Variants in COL11A1 observed in about 807,000 individuals in gnomAD.
COL11A1 encodes collagen alpha-1(XI) chain.
COL11A1 carries 74 observed loss-of-function variants against 265.2 expected under a neutral mutation model. That is an observed-to-expected ratio of 0.28 (90% CI 0.23 to 0.34). The LOEUF (loss-of-function observed/expected upper bound fraction) is 0.34. Ranked by LOEUF, COL11A1 falls within the 10% of genes least tolerant of loss-of-function variation. COL11A1 has a pLI of 1.00. For synonymous variants in COL11A1, 816 were observed against 727.6 expected, an observed-to-expected ratio of 1.12 and a Z score of -1.96; for missense variants, 2,165 against 2,263.6, an observed-to-expected ratio of 0.96 and a Z score of 0.88.
chr1:102,985,633 AT>A (rs1368026151), intron 30 of COL11A1, among the ~76,000 whole-genome samples: 1 of 152,140 alleles, frequency 6.6e-6, no homozygotes, highest in Non-Finnish European at 1.5e-5. Flanking sequence ...GAAAGTTTGT[AT>A]TTTCAACAGG....
intron 14 of COL11A1, among the ~76,000 whole-genome samples, chr1:103,011,878 G>T (rs1484376368): frequency 6.6e-6 from 1 of 151,880 alleles, no homozygotes; most frequent in East Asian, 1.9e-4. Context: ...TTGCTATCAC[G>T]CTAGTGAGAA....
At chr1:103,013,608 TAGACTTAGGAA>T (rs1332941499) in intron 13 of COL11A1, among the ~76,000 whole-genome samples, 3 of 151,984 alleles carry the variant, frequency 2.0e-5, no homozygotes, top group African/African-American at 7.2e-5. Flanking sequence ...TTCAGATTAA[TAGACTTAGGAA>T]AGACATAAAC....
chr1:102,952,132 C>T (rs1419711385), intron 41 of COL11A1, among the ~76,000 whole-genome samples: 3 of 113,896 alleles, frequency 2.6e-5, no homozygotes, highest in African/African-American at 5.7e-5. Context: ...TGGAGTCTTG[C>T]TCTGTCACCA....
intron 9 of COL11A1, 120 bp downstream of exon 9, chr1:103,021,587 G>A: frequency 1.4e-6 from 1 of 724,646 alleles, no homozygotes; most frequent in Non-Finnish European, 2.5e-6. Context: ...GTGGTGAATT[G>A]CAAACATCTG....
chr1:103,081,287 T>C (rs1672392093), intron 2 of COL11A1, among the ~76,000 whole-genome samples: 1 of 151,872 alleles, frequency 6.6e-6, no homozygotes, highest in Non-Finnish European at 1.5e-5. Flanking sequence ...ATCTGAGTAG[T>C]TCTAAAGGTT....
At position 103,086,890 on chromosome 1, in the gene COL11A1, C is replaced by A. The variant is rs7534775; in HGVS notation, c.107-3918G>T. Among the ~76,000 whole-genome samples the A allele has an allele frequency of 9.8e-3, 1,489 of 151,842 alleles. 18 individuals carry two copies. The highest frequency in any genetic ancestry group is 0.034 in the African/African-American group (1,409 of 41,380). ...TTAAGTCCTTAAGTTTATTTTATTT[C>A]AAGTGAACTAAATAATGAATTAAGC... On this transcript the variant is annotated intron_variant, in intron 1 of 66. Coordinates refer to ENST00000370096, the MANE Select transcript of COL11A1 (RefSeq NM_001854.4).
intron 9 of COL11A1, among the ~76,000 whole-genome samples, chr1:103,019,516 G>C (rs115076397): frequency 0.012 from 1,842 of 152,134 alleles, 44 homozygotes; most frequent in African/African-American, 0.042. Context: ...AACACTTTTT[G>C]TGAGCATGTT....
chr1:103,005,590 A>G (rs2101849508), intron 18 of COL11A1, among the ~76,000 whole-genome samples: 1 of 152,326 alleles, frequency 6.6e-6, no homozygotes, highest in South Asian at 2.1e-4. Context: ...AGGTAAATGT[A>G]TATAAAGATT....
rs1655121246 is a variant in COL11A1 at position 102,914,824 on chromosome 1, A to T, written c.3817-13T>A. The T allele has an allele frequency of 1.0e-6, 1 of 967,234 alleles. No individual in the cohort carries two copies. Among genetic ancestry groups the T allele is most frequent in the South Asian group, 1.7e-5 (1 of 58,482 alleles). 59.9% of individuals were successfully genotyped at this position (967,234 alleles called of 1,614,324 possible). On this transcript the variant is annotated splice_polypyrimidine_tract_variant and intron_variant, in intron 50 of 66. Coordinates refer to ENST00000370096, the MANE Select transcript of COL11A1 (RefSeq NM_001854.4). ...CTCCTTTGGGACCCTAAACAATGTT[A>T]AAAAAAAAAAAAGAAGAAGAAGGAA...
intron 4 of COL11A1, among the ~76,000 whole-genome samples, chr1:103,071,680 G>T (rs983693304): frequency 6.6e-6 from 1 of 151,260 alleles, no homozygotes; most frequent in African/African-American, 2.4e-5. Flanking sequence ...AGGACTTTTA[G>T]CAGACAGACA....
At chr1:102,948,862 G>GA (rs1659585692) in intron 41 of COL11A1, among the ~76,000 whole-genome samples, 1 of 151,836 alleles carries the variant, frequency 6.6e-6, no homozygotes, top group Admixed American at 6.6e-5. Context: ...CAATGCAGTA[G>GA]AAAAAATAAT....
intron 4 of COL11A1, among the ~76,000 whole-genome samples, chr1:103,047,031 A>G (rs1416637670): frequency 6.6e-6 from 1 of 152,130 alleles, no homozygotes; most frequent in Non-Finnish European, 1.5e-5. Context: ...GTTTGAAGTC[A>G]GGTAGTGGGA....
At chr1:102,940,051 TTAAAAA>T (rs1375511221) in intron 43 of COL11A1, among the ~76,000 whole-genome samples, 1 of 152,200 alleles carries the variant, frequency 6.6e-6, no homozygotes, top group Non-Finnish European at 1.5e-5. Flanking sequence ...AAGGATATTC[TTAAAAA>T]TAAATAAATT....
At chr1:102,927,114 C>G (rs1656683776) in intron 46 of COL11A1, among the ~76,000 whole-genome samples, 1 of 151,982 alleles carries the variant, frequency 6.6e-6, no homozygotes, top group Non-Finnish European at 1.5e-5. Flanking sequence ...AATATCAACA[C>G]AGTAATTTTA....
chr1:102,884,734 C>G (rs1650744712), intron 63 of COL11A1: 1 of 152,278 alleles, frequency 6.6e-6, no homozygotes, highest in South Asian at 2.1e-4. Context: ...AGATGCAAAC[C>G]TCAGAAGCAT....
At position 102,877,297 on chromosome 1, in the gene COL11A1, C is replaced by A. The variant is rs1239139167; in HGVS notation, c.*722G>T. On this transcript the variant is annotated 3_prime_UTR_variant, in exon 67 of 67. Transcript: ENST00000370096. Reference sequence around the variant, plus strand: ...TAGCCTTGAATAAAGCATCAAAATGCATAATATTTTTGGCTGAAATTCAGC... The same window carrying A: ...TAGCCTTGAATAAAGCATCAAAATGAATAATATTTTTGGCTGAAATTCAGC... 1.3e-5 allele frequency: 2 copies of A among 152,454 alleles called. No homozygotes were observed. Among genetic ancestry groups the A allele is most frequent in the African/African-American group, 4.8e-5 (2 of 41,400 alleles). 9.4% of individuals were successfully genotyped at this position (152,454 alleles called of 1,614,324 possible).
intron 48 of COL11A1, 101 bp from the exon 49 acceptor site, chr1:102,920,465 T>G: frequency 2.1e-6 from 2 of 961,882 alleles, no homozygotes; most frequent in Non-Finnish European, 3.4e-6. Context: ...AATAGATGCA[T>G]GAGTATTCTT....
At chr1:102,934,311 A>T in intron 46 of COL11A1, 138 bp downstream of exon 46, 1 of 653,886 alleles carries the variant, frequency 1.5e-6, no homozygotes, top group South Asian at 1.8e-5. Flanking sequence ...TTAAAAATAA[A>T]ATGATCTTTA....
At chr1:102,966,712 C>CACAGATAT (rs1661435183) in intron 37 of COL11A1, among the ~76,000 whole-genome samples, 1 of 151,706 alleles carries the variant, frequency 6.6e-6, no homozygotes, top group South Asian at 2.1e-4. Flanking sequence ...TACACACATA[C>CACAGATAT]CTAAACACAT....
Sources: allele counts gnomAD v4.1 joint callset (sites outside exome capture counted in the v4.1 genomes callset), GRCh38; gene constraint gnomAD v4.1.1; transcripts MANE v1.5; gene names NCBI Gene and HGNC (gene_info 2026-07-23, HGNC 2026-07-21).